Variants in ATP8B4 observed in about 807,000 individuals in gnomAD.
ATP8B4 encodes the protein probable phospholipid-transporting ATPase IM.
A neutral mutation model predicts 145.6 loss-of-function variants in ATP8B4; 133 were observed. The ratio of observed to expected loss-of-function variants is 0.91; its 90% confidence interval spans 0.79 to 1.05. ATP8B4 has a LOEUF of 1.05. Among genes scored for constraint, ATP8B4 ranks in the 50% least tolerant of loss-of-function variants. The pLI is 0.00. For missense variants in ATP8B4, 1,458 were observed against 1,425.2 expected (o/e 1.02, Z -0.37); for synonymous variants, 507 against 492.9 (o/e 1.03, Z -0.38).
At chr15:50,131,248 A>G (rs886645699) in intron 1 of ATP8B4, among the ~76,000 whole-genome samples, 2 of 152,192 alleles carry the variant, frequency 1.3e-5, no homozygotes, top group African/African-American at 2.4e-5. Context: ...ACCTAACCAC[A>G]TCAATAATGA....
At chr15:49,983,446 T>G (rs1162791320) in intron 10 of ATP8B4, among the ~76,000 whole-genome samples, 1 of 152,172 alleles carries the variant, frequency 6.6e-6, no homozygotes, top group Non-Finnish European at 1.5e-5. Flanking sequence ...AATTCAACTT[T>G]CTAAACTTTC....
At chr15:50,154,954 A>G (rs56100958) in intron 1 of ATP8B4, among the ~76,000 whole-genome samples, 28 of 152,166 alleles carry the variant, frequency 1.8e-4, no homozygotes, top group African/African-American at 6.3e-4. Context: ...ATGAGTATCT[A>G]TTACTTAATT....
chr15:50,018,245 C>T (rs1191671236), intron 6 of ATP8B4, among the ~76,000 whole-genome samples: 1 of 152,170 alleles, frequency 6.6e-6, no homozygotes, highest in Non-Finnish European at 1.5e-5. Context: ...GCCTCAGCCT[C>T]CCAAAGTGCT....
chr15:50,181,129 G>C (rs1595675297), intron 1 of ATP8B4, among the ~76,000 whole-genome samples: 6 of 152,094 alleles, frequency 3.9e-5, no homozygotes, highest in Admixed American at 3.9e-4. Context: ...AATAACTCAG[G>C]CTCCCAAAAT....
At chr15:49,866,642 G>A (rs906495628) in intron 25 of ATP8B4, among the ~76,000 whole-genome samples, 158 bp from the exon 26 acceptor site, 1 of 152,224 alleles carries the variant, frequency 6.6e-6, no homozygotes, top group Non-Finnish European at 1.5e-5. Context: ...AACACACACA[G>A]GGGACTGATC....
intron 10 of ATP8B4, among the ~76,000 whole-genome samples, chr15:49,986,383 T>C (rs968197411): frequency 6.6e-6 from 1 of 152,196 alleles, no homozygotes; most frequent in African/African-American, 2.4e-5. Flanking sequence ...TTTTTCTCTG[T>C]GTAATGAAAT....
At position 49,920,114 on chromosome 15, in the gene ATP8B4, T is replaced by C. The variant is rs765647694; in HGVS notation, c.1923+132A>G. The C allele has an allele frequency of 2.5e-4, 295 of 1,194,920 alleles. 1 individual carries two copies. Among genetic ancestry groups the C allele is most frequent in the Middle Eastern group, 5.7e-4 (2 of 3,534 alleles). 74.0% of individuals were successfully genotyped at this position (1,194,920 alleles called of 1,614,324 possible). ...AAACTCAAAGCCAACATATAAAGCA[T>C]GATTCAGTGATTGAAAGAGAAACAT... is the stretch of plus-strand genomic sequence containing the variant. On this transcript the variant is annotated intron_variant, in intron 18 of 27. Transcript: ENST00000284509.
chr15:49,920,266 C>G lies in ATP8B4; in HGVS notation c.1903G>C (p.Glu635Gln). The stretch of plus-strand genomic sequence containing the variant: ...CATACCATCAAATCTCTTTCAATTT[C>G]TTCATATAGCCCAGCTATTCGTTCA... Reference protein sequence around the residue: ...RDERIAGLYEEIERDLMLLGA... With the variant: ...RDERIAGLYEQIERDLMLLGA... The change falls in exon 18 of 28, where the codon GAA becomes CAA. Residue 635 changes from glutamate to glutamine, a missense_variant. By Grantham distance (29) the Glu-to-Gln change is conservative. Coordinates refer to ENST00000284509, the MANE Select transcript of ATP8B4 (RefSeq NM_024837.4). 1 of 1,614,086 alleles carries G rather than the reference C, an allele frequency of 6.2e-7. No individual in the cohort carries two copies. The highest frequency in any genetic ancestry group is 8.5e-7 in the Non-Finnish European group (1 of 1,179,980).
chr15:50,122,211 T>A (rs1013258649), upstream of ATP8B4, among the ~76,000 whole-genome samples: 30 of 152,180 alleles, frequency 2.0e-4, no homozygotes, highest in African/African-American at 7.2e-4. Flanking sequence ...GCCTATAGTT[T>A]GAAATCTACA....
chr15:50,033,287 A>G (rs895858555), intron 6 of ATP8B4, among the ~76,000 whole-genome samples: 1 of 152,238 alleles, frequency 6.6e-6, no homozygotes, highest in African/African-American at 2.4e-5. Context: ...GCTTACAGTC[A>G]AGTACAATTT....
At chr15:49,976,137 C>A (rs920497092) in intron 12 of ATP8B4, among the ~76,000 whole-genome samples, 1 of 152,032 alleles carries the variant, frequency 6.6e-6, no homozygotes, top group Non-Finnish European at 1.5e-5. Flanking sequence ...TTTTTTCTCC[C>A]TGAAATTACA....
chr15:49,981,124 C>T, intron 11 of ATP8B4, 82 bp downstream of exon 11: 1 of 1,200,270 alleles, frequency 8.3e-7, no homozygotes, highest in Non-Finnish European at 1.2e-6. Context: ...AGAATGTAGG[C>T]TTCTTAAAGA....
chr15:50,098,266 A>ATTTTTTTTTTTTTTTTTTT (rs71124319), intron 2 of ATP8B4, among the ~76,000 whole-genome samples: 1 of 41,728 alleles, frequency 2.4e-5, no homozygotes, highest in African/African-American at 8.4e-5. Context: ...TTGTCAGGTG[A>ATTTTTTTTTTTTTTTTTTT]TTTTTTTTTT....
intron 6 of ATP8B4, among the ~76,000 whole-genome samples, chr15:50,023,779 C>CAAAAAAAAAAAAAAAAAGAAAAAAAAA (rs2049784902): frequency 1.3e-5 from 1 of 75,052 alleles, no homozygotes; most frequent in Non-Finnish European, 2.5e-5. Flanking sequence ...AGACCAAAGG[C>CAAAAAAAAAAAAAAAAAGAAAAAAAAA]AAAAAAAAAA....
At chr15:49,970,616 T>C (rs974785791) in intron 13 of ATP8B4, among the ~76,000 whole-genome samples, 2 of 152,004 alleles carry the variant, frequency 1.3e-5, no homozygotes, top group Non-Finnish European at 2.9e-5. Flanking sequence ...TTCTAGAACA[T>C]GAGAGAGGAC....
At chr15:49,984,371 GA>G (rs1300438562) in intron 10 of ATP8B4, among the ~76,000 whole-genome samples, 1 of 152,150 alleles carries the variant, frequency 6.6e-6, no homozygotes, top group Non-Finnish European at 1.5e-5. Flanking sequence ...AAGAGAATTG[GA>G]GGAAGTTTTA....
At chr15:49,996,807 C>A in intron 8 of ATP8B4, 48 bp from the exon 9 acceptor site, 1 of 1,464,040 alleles carries the variant, frequency 6.8e-7, no homozygotes, top group Non-Finnish European at 9.5e-7. Flanking sequence ...AACAGCCCAA[C>A]AGCATCCTAC....
chr15:50,029,661 G>C (rs2050289967), intron 6 of ATP8B4, among the ~76,000 whole-genome samples: 1 of 152,028 alleles, frequency 6.6e-6, no homozygotes, highest in Non-Finnish European at 1.5e-5. Flanking sequence ...AGTAGGACGT[G>C]GTATAAAATA....
At chr15:49,867,398 C>T (rs2032984666) in intron 25 of ATP8B4, among the ~76,000 whole-genome samples, 2 of 152,146 alleles carry the variant, frequency 1.3e-5, no homozygotes, top group South Asian at 2.1e-4. Context: ...TAAAATGTTT[C>T]CCCATTAAAA....
Sources: allele counts gnomAD v4.1 joint callset (sites outside exome capture counted in the v4.1 genomes callset), GRCh38; gene constraint gnomAD v4.1.1; transcripts MANE v1.5; gene names NCBI Gene and HGNC (gene_info 2026-07-23, HGNC 2026-07-21).